The following EXOC6 variants were observed in gnomAD, a reference collection of about 807,000 sequenced individuals.
The protein encoded by EXOC6 is exocyst complex component 6.
Under a neutral mutation model 112.5 loss-of-function variants are expected in EXOC6, and 60 were observed. That is an observed-to-expected ratio of 0.53 (90% confidence interval 0.43 to 0.66). The LOEUF is 0.66. Among genes scored for constraint, EXOC6 ranks in the 30% least tolerant of loss-of-function variants. The pLI, the probability that EXOC6 is intolerant of heterozygous loss-of-function variation, is 0.00. For missense variants in EXOC6, 855 were observed against 957.1 expected (o/e 0.89, Z 1.41); for synonymous variants, 295 against 308.0 (o/e 0.96, Z 0.44).
intron 20 of EXOC6, among the ~76,000 whole-genome samples, chr10:93,020,323 C>T (rs1051182032): frequency 1.3e-5 from 2 of 152,134 alleles, no homozygotes; most frequent in Non-Finnish European, 2.9e-5. Flanking sequence ...GAGCAACTTA[C>T]ATATTAACAG....
intron 19 of EXOC6, 55 bp downstream of exon 19, chr10:92,997,670 A>G (rs894983383): frequency 1.4e-6 from 2 of 1,464,278 alleles, no homozygotes; most frequent in African/African-American, 1.4e-5. Context: ...TGCTTAAATT[A>G]TATGAAAAAA....
At chr10:92,908,988 AATTTT>A (rs1850595820) in intron 5 of EXOC6, among the ~76,000 whole-genome samples, 1 of 152,056 alleles carries the variant, frequency 6.6e-6, no homozygotes, top group African/African-American at 2.4e-5. Flanking sequence ...AAGTTAAATA[AATTTT>A]ATTTTAATTA....
intron 20 of EXOC6, among the ~76,000 whole-genome samples, chr10:93,034,298 A>T (rs1845409514): frequency 6.6e-6 from 1 of 152,184 alleles, no homozygotes; most frequent in Non-Finnish European, 1.5e-5. Flanking sequence ...TGAACTATTA[A>T]AAGCTGACAG....
intron 17 of EXOC6, 118 bp downstream of exon 17, chr10:92,955,832 G>A (rs1233469289): frequency 1.1e-6 from 1 of 887,724 alleles, no homozygotes; most frequent in South Asian, 2.1e-5. Flanking sequence ...AAGAATAGAG[G>A]TATTCATTGT....
chr10:92,849,004 G>A (rs914686859), intron 1 of EXOC6, among the ~76,000 whole-genome samples: 2 of 152,294 alleles, frequency 1.3e-5, no homozygotes, highest in Admixed American at 1.3e-4. Flanking sequence ...TGGTGGGGCT[G>A]AGGGCTGCTC....
In EXOC6 at chr10:93,039,137, A is replaced by G. The variant is rs527839120; in HGVS notation, c.2170-17787A>G. On this transcript the variant is annotated intron_variant, in intron 20 of 21. Coordinates refer to ENST00000260762, the MANE Select transcript of EXOC6 (RefSeq NM_019053.6). ...CCAAGTGGATAATAGTTGTCATGAAAATTTTTACTAATATACACCAAAAGG... is the reference window on the plus strand; with the variant it reads ...CCAAGTGGATAATAGTTGTCATGAAGATTTTTACTAATATACACCAAAAGG... Among the ~76,000 whole-genome samples, 4 of 152,212 alleles carry G rather than the reference A, an allele frequency of 2.6e-5. No homozygotes were observed. The East Asian group carries it at 7.7e-4, about 29-fold the overall frequency.
chr10:92,930,359 C>G (rs1851958180), intron 9 of EXOC6, among the ~76,000 whole-genome samples: 1 of 151,640 alleles, frequency 6.6e-6, no homozygotes, highest in African/African-American at 2.4e-5. Flanking sequence ...AAAAATTAGC[C>G]AGGCATAGTG....
intron 19 of EXOC6, among the ~76,000 whole-genome samples, chr10:93,005,494 C>T (rs1843935536): frequency 1.3e-5 from 2 of 151,892 alleles, no homozygotes; most frequent in Admixed American, 6.6e-5. Flanking sequence ...ATATAGATAC[C>T]TTATAGATAT....
chr10:92,915,993 G>C lies in EXOC6; in HGVS notation c.819+80G>C, dbSNP rs1435325554. ...TTGTAATGTACATCTGTGTGATTTA[G>C]TCTTCCTGTATGCAAAATAAATTTA... is the stretch of plus-strand genomic sequence containing the variant. On this transcript the variant is annotated intron_variant, in intron 7 of 21. Coordinates refer to ENST00000260762, the MANE Select transcript of EXOC6 (RefSeq NM_019053.6). 1.6e-5 allele frequency: 16 copies of C among 1,024,680 alleles called. No individual in the cohort carries two copies. In the East Asian group the frequency reaches 4.8e-4, roughly 31 times the overall value. 63.5% of individuals were successfully genotyped at this position (1,024,680 alleles called of 1,614,324 possible).
intron 7 of EXOC6, 50 bp downstream of exon 7, chr10:92,915,963 T>A (rs1851059398): frequency 7.5e-7 from 1 of 1,329,652 alleles, no homozygotes; most frequent in African/African-American, 1.6e-5. Context: ...TTTTTTTCTT[T>A]TGGATTGTAA....
chr10:92,881,972 T>C (rs1430464862), intron 1 of EXOC6, among the ~76,000 whole-genome samples: 1 of 152,082 alleles, frequency 6.6e-6, no homozygotes, highest in Non-Finnish European at 1.5e-5. Context: ...GAACTGTGAG[T>C]CCATTAAACC....
intron 7 of EXOC6, among the ~76,000 whole-genome samples, chr10:92,917,091 G>A (rs1851132419): frequency 6.6e-6 from 1 of 151,652 alleles, no homozygotes; most frequent in Admixed American, 6.6e-5. Context: ...AGCCTCCCAA[G>A]TAGCTGGATT....
intron 18 of EXOC6, among the ~76,000 whole-genome samples, chr10:92,975,924 G>A (rs1191902373): frequency 7.1e-6 from 1 of 140,712 alleles, no homozygotes; most frequent in Non-Finnish European, 1.6e-5. Flanking sequence ...GAGGTGGGGG[G>A]GTCAGCCCCC....
rs183112645 is a variant in EXOC6, at chr10:93,000,129, C to T, written c.2095+2514C>T. Among the ~76,000 whole-genome samples the T allele has an allele frequency of 1.8e-3, 274 of 152,290 alleles. 1 individual carries two copies. The highest frequency in any genetic ancestry group is 6.5e-3 in the African/African-American group (268 of 41,548). On this transcript the variant is annotated intron_variant, in intron 19 of 21. Coordinates refer to ENST00000260762, the MANE Select transcript of EXOC6 (RefSeq NM_019053.6). ...ATCCATTGGGGGACTTGGAACATAT[C>T]CCCCATGGGTAAGAGGGGATTACTG...
chr10:92,972,380 C>T (rs1215582650), intron 17 of EXOC6, among the ~76,000 whole-genome samples: 1 of 152,080 alleles, frequency 6.6e-6, no homozygotes, highest in Non-Finnish European at 1.5e-5. Context: ...GAGGGGAGTG[C>T]AGGCACACTT....
At chr10:92,852,995 A>T (rs1240765601) in intron 1 of EXOC6, among the ~76,000 whole-genome samples, 1 of 152,186 alleles carries the variant, frequency 6.6e-6, no homozygotes, top group Non-Finnish European at 1.5e-5. Context: ...ATCAACTATT[A>T]TAGAAAATCC....
intron 1 of EXOC6, among the ~76,000 whole-genome samples, chr10:92,888,561 G>A (rs1415894555): frequency 1.3e-5 from 2 of 152,130 alleles, no homozygotes; most frequent in Non-Finnish European, 2.9e-5. Context: ...CTGTATTCGG[G>A]TAGTCCTGAA....
intron 8 of EXOC6, among the ~76,000 whole-genome samples, chr10:92,920,828 A>T (rs1044680819): frequency 7.2e-5 from 11 of 152,200 alleles, no homozygotes; most frequent in African/African-American, 1.9e-4. Context: ...GACCTTTTTT[A>T]AAAAAATCAT....
At chr10:92,962,683 G>C (rs924376515) in intron 17 of EXOC6, among the ~76,000 whole-genome samples, 2 of 152,166 alleles carry the variant, frequency 1.3e-5, no homozygotes, top group Admixed American at 6.6e-5. Context: ...GTAAGCCGCT[G>C]TCAGGCCCTA....
Sources: gnomAD v4.1 joint callset for allele counts (sites outside exome capture counted in the v4.1 genomes callset) on GRCh38, gnomAD v4.1.1 for gene constraint, MANE v1.5 for transcripts, NCBI Gene and HGNC (gene_info 2026-07-23, HGNC 2026-07-21) for gene names.